The following SOX5 variants were observed in gnomAD, a reference collection of about 807,000 sequenced individuals.
SOX5 encodes SRY-box transcription factor 5.
Under a neutral mutation model 92.0 loss-of-function variants are expected in SOX5, and 9 were observed. The observed-to-expected ratio is 0.10, with a 90% CI of 0.06 to 0.17. The LOEUF (loss-of-function observed/expected upper bound fraction) is 0.17, where lower values mean the gene tolerates loss of function less well. SOX5 is among the 10% of genes least tolerant of loss of function. The pLI, the probability that SOX5 is intolerant of heterozygous loss-of-function variation, is 1.00. For synonymous variants in SOX5, 344 were observed against 336.3 expected (o/e 1.02, Z -0.25); for missense variants, 642 against 944.5 (o/e 0.68, Z 4.20).
intron 4 of SOX5, among the ~76,000 whole-genome samples, chr12:23,957,495 A>G (rs1019353499): frequency 1.3e-5 from 2 of 152,224 alleles, no homozygotes; most frequent in Non-Finnish European, 2.9e-5. Context: ...GTAGGGGGGA[A>G]TAAATACAAG....
intron 3 of SOX5, among the ~76,000 whole-genome samples, chr12:24,247,395 G>T (rs1188268203): frequency 6.6e-6 from 1 of 152,158 alleles, no homozygotes; most frequent in Non-Finnish European, 1.5e-5. Context: ...AATGAAATCA[G>T]TTCGAGGACT....
chr12:24,035,296 A>G (rs188076199), intron 4 of SOX5, among the ~76,000 whole-genome samples: 31 of 152,238 alleles, frequency 2.0e-4, no homozygotes, highest in African/African-American at 6.5e-4. Flanking sequence ...CTAACCAATG[A>G]TAACAACCAC....
intron 4 of SOX5, among the ~76,000 whole-genome samples, chr12:24,047,426 A>G (rs1957152288): frequency 6.6e-6 from 1 of 152,218 alleles, no homozygotes; most frequent in Non-Finnish European, 1.5e-5. Context: ...ATTCTTGGGG[A>G]ACATGATGAA....
chr12:23,687,889 A>ATTTTTTTT, intron 6 of SOX5, among the ~76,000 whole-genome samples: 1 of 109,234 alleles, frequency 9.2e-6, no homozygotes. Context: ...TTTTTTTTTC[A>ATTTTTTTT]TTTTAACAAA....
At chr12:24,227,182 G>A (rs1962238044) in intron 3 of SOX5, 1 of 152,208 alleles carries the variant, frequency 6.6e-6, no homozygotes, top group African/African-American at 2.4e-5. Flanking sequence ...AATGCTTTGA[G>A]GAAACAGCAG....
At chr12:24,544,070 C>T (rs1298189737) in intron 1 of SOX5, among the ~76,000 whole-genome samples, 2 of 152,080 alleles carry the variant, frequency 1.3e-5, no homozygotes, top group African/African-American at 2.4e-5. Flanking sequence ...GTATTTATCC[C>T]CTTTCTTCCA....
intron 1 of SOX5, among the ~76,000 whole-genome samples, chr12:24,549,922 C>T (rs1049995304): frequency 2.6e-5 from 4 of 152,036 alleles, no homozygotes; most frequent in Admixed American, 1.3e-4. Context: ...TGCAATGATT[C>T]AGGGTGAGAG....
intron 2 of SOX5, among the ~76,000 whole-genome samples, chr12:24,292,036 A>C (rs1015481809): frequency 6.6e-6 from 1 of 152,250 alleles, no homozygotes; most frequent in Non-Finnish European, 1.5e-5. Flanking sequence ...GCTCTGAGCA[A>C]GGCACTATGA....
intron 3 of SOX5, among the ~76,000 whole-genome samples, chr12:23,775,858 G>A (rs2095080698): frequency 6.6e-6 from 1 of 152,048 alleles, no homozygotes; most frequent in Admixed American, 6.6e-5. Flanking sequence ...TTTGAGAAAG[G>A]CCTTCTTTGA....
intron 6 of SOX5, among the ~76,000 whole-genome samples, chr12:23,732,322 C>T (rs1353543182): frequency 6.6e-6 from 1 of 152,160 alleles, no homozygotes; most frequent in Non-Finnish European, 1.5e-5. Flanking sequence ...CAGAGCTTCC[C>T]ATAATTGTTT....
At chr12:23,758,879 G>T (rs964385029) in intron 3 of SOX5, among the ~76,000 whole-genome samples, 1 of 151,896 alleles carries the variant, frequency 6.6e-6, no homozygotes. Flanking sequence ...ACCATGGGAC[G>T]ATGCAGCAAG....
intron 6 of SOX5, among the ~76,000 whole-genome samples, chr12:23,669,585 G>C (rs2084407518): frequency 6.6e-6 from 1 of 151,306 alleles, no homozygotes; most frequent in Admixed American, 6.6e-5. Context: ...GACCAAGTGG[G>C]AAGTTAATAT....
At chr12:23,553,395 G>A (rs1046899606) in intron 11 of SOX5, among the ~76,000 whole-genome samples, 2 of 151,970 alleles carry the variant, frequency 1.3e-5, no homozygotes, top group Admixed American at 1.3e-4. Context: ...GATGTGTAAT[G>A]TACAGAAAAG....
At chr12:23,667,291 C>G (rs1057007426) in intron 6 of SOX5, among the ~76,000 whole-genome samples, 5 of 151,970 alleles carry the variant, frequency 3.3e-5, no homozygotes, top group African/African-American at 1.2e-4. Flanking sequence ...TGGTTTTTAT[C>G]TAGATAATTT....
chr12:24,534,856 C>T (rs997818486), intron 1 of SOX5, among the ~76,000 whole-genome samples: 5 of 152,218 alleles, frequency 3.3e-5, no homozygotes, highest in Admixed American at 2.6e-4. Flanking sequence ...CCCCAGAGTC[C>T]AGAGGGGATG....
intron 3 of SOX5, among the ~76,000 whole-genome samples, chr12:24,254,738 T>TATATATATATATATA (rs1565761318): frequency 6.6e-6 from 1 of 151,340 alleles, no homozygotes; most frequent in African/African-American, 2.4e-5. Context: ...TATATATATA[T>TATATATATATATATA]TTCCTATGAC....
chr12:23,860,657 T>C (rs2096744641), intron 2 of SOX5, among the ~76,000 whole-genome samples: 1 of 152,078 alleles, frequency 6.6e-6, no homozygotes, highest in East Asian at 1.9e-4. Flanking sequence ...AATTTGTATA[T>C]GGAACATCTA....
chr12:23,897,919 A>G (rs1317908895), intron 1 of SOX5, among the ~76,000 whole-genome samples: 1 of 152,204 alleles, frequency 6.6e-6, no homozygotes, highest in Non-Finnish European at 1.5e-5. Flanking sequence ...ACTATTTCCA[A>G]TCCCATGAAC....
intron 4 of SOX5, among the ~76,000 whole-genome samples, chr12:24,072,391 A>G (rs1290467418): frequency 6.6e-6 from 1 of 152,322 alleles, no homozygotes; most frequent in East Asian, 1.9e-4. Context: ...ATAATCAACT[A>G]CCACAATTTA....
Sources: gnomAD v4.1 joint callset for allele counts (sites outside exome capture counted in the v4.1 genomes callset) on GRCh38, gnomAD v4.1.1 for gene constraint, MANE v1.5 for transcripts, NCBI Gene and HGNC (gene_info 2026-07-23, HGNC 2026-07-21) for gene names.